Variants in RPL3 observed in about 807,000 individuals in gnomAD.
The protein encoded by RPL3 is large ribosomal subunit protein uL3.
Under a neutral mutation model 46.0 loss-of-function variants are expected in RPL3, and 3 were observed. That is an observed-to-expected ratio of 0.07 (90% confidence interval 0.03 to 0.17). RPL3 has a LOEUF of 0.17. Ranked by LOEUF, RPL3 falls within the 10% of genes least tolerant of loss-of-function variation. RPL3 has a pLI of 1.00. For synonymous variants in RPL3, 224 were observed against 190.8 expected (o/e 1.17, Z -1.43); for missense variants, 387 against 532.7 (o/e 0.73, Z 2.69).
chr22:39,314,158 C>T lies in RPL3; in HGVS notation c.900G>A (p.Lys300=), dbSNP rs751508388. The change falls in exon 7 of 10, where the codon AAG becomes AAA. Residue 300 remains lysine (K), a synonymous_variant. Transcript: ENST00000216146. ...GGTCATAGTCAGTGGAGGCATTGTT[C>T]TTGATCAGCTTGCCGTCCTTGATAA... The part of the protein sequence containing the change: ...GYLIKDGKLI[K]NNASTDYDLS... 7.4e-6 allele frequency: 12 copies of T among 1,613,430 alleles called. No individual in the cohort carries two copies. The African/African-American group carries it at 1.3e-4, about 18-fold the overall frequency.
At chr22:39,315,666 T>A in intron 4 of RPL3, 111 bp from the exon 5 acceptor site, 2 of 1,300,260 alleles carry the variant, frequency 1.5e-6, no homozygotes, top group African/African-American at 1.5e-5. Context: ...AAAAAGCCAG[T>A]AACTCTGAAC....
chr22:39,314,083 C>T lies in RPL3; in HGVS notation c.951+24G>A, dbSNP rs373181218. On this transcript the variant is annotated intron_variant, in intron 7 of 9. Coordinates refer to ENST00000216146, the MANE Select transcript of RPL3 (RefSeq NM_000967.4). The stretch of plus-strand genomic sequence containing the variant: ...AAGCACGAGGCCTGGGATGGCCTCA[C>T]AGAGCAGAACACCCATTACTTACCA... The T allele has an allele frequency of 5.6e-5, 89 of 1,600,654 alleles. No individual in the cohort carries two copies. In the African/African-American group the frequency reaches 1.1e-3, roughly 19 times the overall value.
chr22:39,313,436 G>A (rs906400749), intron 8 of RPL3, 126 bp from the exon 9 acceptor site: 22 of 1,465,674 alleles, frequency 1.5e-5, no homozygotes, highest in Non-Finnish European at 2.0e-5. Context: ...TCCGGCAGAT[G>A]AGGACACACT....
intron 1 of RPL3, 135 bp downstream of exon 1, chr22:39,319,460 T>G (rs1197011276): frequency 1.6e-6 from 2 of 1,233,702 alleles, no homozygotes; most frequent in South Asian, 1.3e-5. Context: ...TAGGCCAGAC[T>G]GAAGTCCCCG....
Position 39,318,227 on chromosome 22 carries a change from GAAT to G in RPL3, c.196+170_196+172del. The stretch of plus-strand genomic sequence containing the variant: ...ACAGTGCTGACCATCTGTAGCCTTG[GAAT>G]ATTAGTTTTCAAGTTAAGCATTCCC... On this transcript the variant is annotated intron_variant, in intron 2 of 9. Transcript: ENST00000216146. 6 of 640,638 alleles carry G rather than the reference GAAT, an allele frequency of 9.4e-6. No homozygotes were observed. The South Asian group carries it at 1.0e-4, about 11-fold the overall frequency. The allele number at this position is 640,638 out of a possible 1,614,324, so 39.7% of individuals were successfully genotyped here.
Position 39,318,378 on chromosome 22 carries a change from C to G in RPL3, c.196+22G>C, listed in dbSNP as rs769137254. On this transcript the variant is annotated intron_variant, in intron 2 of 9. Coordinates refer to ENST00000216146, the MANE Select transcript of RPL3 (RefSeq NM_000967.4). ...TCCCCCTCCACTCCTATTCCCCCAA[C>G]TTTTAGGATGTCTGTACATACTGGA... 3.5e-5 allele frequency: 57 copies of G among 1,607,178 alleles called. No individual in the cohort carries two copies. The South Asian group carries it at 6.0e-4, about 17-fold the overall frequency.
Position 39,313,226 on chromosome 22 carries a change from G to C in RPL3, c.1132C>G (p.Arg378Gly), listed in dbSNP as rs139501357. ...TTCTTCTCCTCCATGGTCTGGAAGC[G>C]GCCATGGCCAAACTTGGAGGTGGTG... ...IDTTSKFGHGRFQTMEEKKAF... is the reference protein window; with the variant it reads ...IDTTSKFGHGGFQTMEEKKAF... The change falls in exon 9 of 10, where the codon CGC (arginine) becomes GGC (glycine). Residue 378 changes from arginine (R) to glycine (G), a missense_variant. By Grantham distance (125) the Arg-to-Gly change is moderately radical (BLOSUM62 -2). Around this residue, in one of 5 missense-constraint regions of RPL3, gnomAD observed 131 missense variants for 185.1 expected, o/e 0.71. Coordinates refer to ENST00000216146, the MANE Select transcript of RPL3 (RefSeq NM_000967.4). The C allele has an allele frequency of 1.9e-6, 3 of 1,609,886 alleles. No homozygotes were observed. Among genetic ancestry groups the C allele is most frequent in the Non-Finnish European group, 2.5e-6 (3 of 1,178,126 alleles).
Position 39,314,660 on chromosome 22 carries a change from C to G in RPL3, c.849+26G>C, listed in dbSNP as rs1204968876. On this transcript the variant is annotated intron_variant, in intron 6 of 9. Coordinates refer to ENST00000216146, the MANE Select transcript of RPL3 (RefSeq NM_000967.4). ...CCATCACGGGGGCCTCTTCCCACCCCCAGGGAGCCACTCTCAGAACCTCAC... is the reference window on the plus strand; with the variant it reads ...CCATCACGGGGGCCTCTTCCCACCCGCAGGGAGCCACTCTCAGAACCTCAC... The G allele has an allele frequency of 3.8e-6, 6 of 1,598,860 alleles. No homozygotes were observed. The East Asian group carries it at 6.8e-5, about 18-fold the overall frequency.
At chr22:39,318,140 C>T (rs947277630) in intron 2 of RPL3, 1 of 465,764 alleles carries the variant, frequency 2.1e-6, no homozygotes, top group East Asian at 4.1e-5. Flanking sequence ...CTTCTCTTTG[C>T]TAAGGTTCCT....
chr22:39,314,372 T>C, intron 6 of RPL3, 164 bp from the exon 7 acceptor site: 1 of 673,994 alleles, frequency 1.5e-6, no homozygotes, highest in South Asian at 1.8e-5. Flanking sequence ...TCCAGGTTCC[T>C]TTCTGTAAGG....
intron 5 of RPL3, 143 bp downstream of exon 5, chr22:39,315,226 G>A (rs1449414953): frequency 1.7e-6 from 2 of 1,197,732 alleles, no homozygotes; most frequent in East Asian, 4.7e-5. Context: ...GTTCTCAGAA[G>A]GAAGGCAGTA....
At position 39,318,388 on chromosome 22, in the gene RPL3, G is replaced by A. The variant is rs1361999910; in HGVS notation, c.196+12C>T. The stretch of plus-strand genomic sequence containing the variant: ...CTCCTATTCCCCCAACTTTTAGGAT[G>A]TCTGTACATACTGGATCCCGGCCTG... On this transcript the variant is annotated intron_variant, in intron 2 of 9. Coordinates refer to ENST00000216146, the MANE Select transcript of RPL3 (RefSeq NM_000967.4). 5 of 1,612,624 alleles carry A rather than the reference G, an allele frequency of 3.1e-6. No homozygotes were observed. The South Asian group carries it at 4.4e-5, about 14-fold the overall frequency.
rs777968901 is a variant in RPL3 at position 39,317,603 on chromosome 22, C to A, written c.223G>T (p.Ala75Ser). The A allele has an allele frequency of 6.2e-7, 1 of 1,613,902 alleles. No individual in the cohort carries two copies. The highest frequency in any genetic ancestry group is 1.1e-5 in the South Asian group (1 of 91,076). ...GGTGGTGTCTCTACAATGGTCACAG[C>A]CTCCACCACCTCCTTCTTGTTCACC... is the stretch of plus-strand genomic sequence containing the variant. The part of the protein sequence containing the change: ...SKVNKKEVVE[A>S]VTIVETPPMV... Residue 75 changes from alanine to serine, a missense_variant, in exon 3 of 10, where the codon GCT becomes TCT. Transcript: ENST00000216146.
intron 6 of RPL3, 64 bp from the exon 7 acceptor site, chr22:39,314,272 T>C: frequency 7.1e-7 from 1 of 1,404,870 alleles, no homozygotes; most frequent in South Asian, 1.2e-5. Context: ...CATGCCAGTG[T>C]GCTGACCTGC....
intron 1 of RPL3, chr22:39,319,270 T>C (rs1168978510): frequency 3.9e-6 from 2 of 517,616 alleles, no homozygotes; most frequent in Non-Finnish European, 7.1e-6. Flanking sequence ...AAGCAGGTTA[T>C]GGGCCCTAAT....
chr22:39,315,631 G>A (rs1922639744), intron 4 of RPL3, 76 bp from the exon 5 acceptor site: 4 of 1,549,338 alleles, frequency 2.6e-6, no homozygotes, highest in Non-Finnish European at 3.5e-6. Context: ...GCTCCATGCG[G>A]CCTGATTGAT....
chr22:39,315,938 C>T (rs1302698520), intron 4 of RPL3, among the ~76,000 whole-genome samples: 1 of 152,166 alleles, frequency 6.6e-6, no homozygotes, highest in East Asian at 1.9e-4. Context: ...AGAGCACAAG[C>T]TCTAAGTAAG....
At chr22:39,319,285 A>G (rs1211040166) in intron 1 of RPL3, 8 of 533,924 alleles carry the variant, frequency 1.5e-5, no homozygotes, top group Non-Finnish European at 3.4e-6. Context: ...CCTAATCCCA[A>G]CTAATGATAG....
In RPL3 at chr22:39,318,432, T is replaced by A; in HGVS notation, c.164A>T (p.His55Leu). The change falls in exon 2 of 10, where the codon CAC (histidine) becomes CTC (leucine). Residue 55 changes from histidine to leucine, a missense_variant. Physicochemically the swap from His to Leu is moderately conservative, Grantham distance 99. Coordinates refer to ENST00000216146, the MANE Select transcript of RPL3 (RefSeq NM_000967.4). ...CGGCCTGTCGACTTCCCGCACGATG[T>A]GAGTCATGCCAGCCTTGTATCCCAG... ...AFLGYKAGMT[H>L]IVREVDRPGS... is the part of the protein sequence containing the mutation. The A allele has an allele frequency of 6.2e-7, 1 of 1,613,982 alleles. No homozygotes were observed. The highest frequency in any genetic ancestry group is 8.5e-7 in the Non-Finnish European group (1 of 1,179,966).
Sources: gnomAD v4.1 joint callset for allele counts (sites outside exome capture counted in the v4.1 genomes callset) on GRCh38, gnomAD v4.1.1 for gene constraint, gnomAD v4.1.1 regional missense constraint, MANE v1.5 for transcripts, NCBI Gene and HGNC (gene_info 2026-07-23, HGNC 2026-07-21) for gene names.